The following SIK2 variants were observed in gnomAD, a reference collection of about 807,000 sequenced individuals.
SIK2 encodes salt inducible kinase 2.
SIK2 carries 29 observed loss-of-function variants against 103.2 expected under a neutral mutation model. The observed-to-expected ratio is 0.28, with a 90% CI of 0.21 to 0.38. The LOEUF (loss-of-function observed/expected upper bound fraction) is 0.38. Ranked by LOEUF, SIK2 falls within the 10% of genes least tolerant of loss-of-function variation. The pLI is 1.00. For synonymous variants in SIK2, 412 were observed against 446.1 expected (o/e 0.92, Z 0.96); for missense variants, 879 against 1,171.0 (o/e 0.75, Z 3.64).
intron 8 of SIK2, among the ~76,000 whole-genome samples, chr11:111,708,979 A>G (rs1943424235): frequency 6.6e-6 from 1 of 152,146 alleles, no homozygotes; most frequent in African/African-American, 2.4e-5. Flanking sequence ...GAATGAAACA[A>G]TCACCTCCAA....
Position 111,705,212 on chromosome 11 carries a change from T to C in SIK2, c.1101+73T>C, listed in dbSNP as rs1302520018. 1.4e-6 allele frequency: 2 copies of C among 1,412,836 alleles called. No individual in the cohort carries two copies. The highest frequency in any genetic ancestry group is 1.8e-6 in the Non-Finnish European group (2 of 1,081,312). 87.5% of individuals were successfully genotyped at this position (1,412,836 alleles called of 1,614,324 possible). ...CATGTTTGATACATTTTTCATCTTA[T>C]ACACAGGGTTAGGATTTCATCCTCT... On this transcript the variant is annotated intron_variant, in intron 8 of 14. Coordinates refer to ENST00000304987, the MANE Select transcript of SIK2 (RefSeq NM_015191.3). This position sits in a 1 kb window ranked among gnomAD's most constrained non-coding sequence, Gnocchi z 4.3.
intron 3 of SIK2, among the ~76,000 whole-genome samples, chr11:111,644,096 G>A (rs1012021738): frequency 1.3e-5 from 2 of 151,666 alleles, no homozygotes; most frequent in Non-Finnish European, 2.9e-5. Flanking sequence ...GAACAGCCTG[G>A]CCAACATAGT....
At chr11:111,663,362 C>T (rs1341451461) in intron 3 of SIK2, among the ~76,000 whole-genome samples, 2 of 152,016 alleles carry the variant, frequency 1.3e-5, no homozygotes, top group Non-Finnish European at 2.9e-5. Flanking sequence ...ATGTGGATAT[C>T]TAAACACAGA....
intron 1 of SIK2, among the ~76,000 whole-genome samples, chr11:111,603,041 G>A (rs1488132257): frequency 6.7e-6 from 1 of 150,310 alleles, no homozygotes; most frequent in East Asian, 2.0e-4. Flanking sequence ...CGGAGCCCAA[G>A]TTCCGCGTCT....
At position 111,721,896 on chromosome 11, in the gene SIK2, C is replaced by G. The variant is rs765479422; in HGVS notation, c.2011C>G (p.Pro671Ala). The change falls in exon 13 of 15, where the codon CCA becomes GCA. Residue 671 changes from proline to alanine, a missense_variant. Transcript: ENST00000304987. ...TGCCAGCGTGCATCCCCAGCTGTCC[C>G]CACGGCAGAGCCTGGAGACCCAGTA... Reference protein sequence around the residue: ...LPASVHPQLSPRQSLETQYLQ... With the variant: ...LPASVHPQLSARQSLETQYLQ... 6.2e-7 allele frequency: 1 copy of G among 1,612,006 alleles called. No homozygotes were observed. Among genetic ancestry groups the G allele is most frequent in the Non-Finnish European group, 8.5e-7 (1 of 1,178,900 alleles).
At chr11:111,684,853 A>G (rs1232774784) in intron 3 of SIK2, among the ~76,000 whole-genome samples, 1 of 152,230 alleles carries the variant, frequency 6.6e-6, no homozygotes, top group East Asian at 1.9e-4. Flanking sequence ...GGCAAGAGGA[A>G]GATGTAATGA....
chr11:111,615,319 C>T (rs1784786), intron 1 of SIK2, among the ~76,000 whole-genome samples: 86,256 of 149,404 alleles, frequency 0.58, 28,901 homozygotes, highest in East Asian at 0.96. Context: ...AAAAGTTACC[C>T]TGAAACAATA....
chr11:111,699,019 T>C (rs186340878), intron 4 of SIK2, among the ~76,000 whole-genome samples: 1 of 152,192 alleles, frequency 6.6e-6, no homozygotes, highest in African/African-American at 2.4e-5. Context: ...TCTAGAAAAT[T>C]AGAAATATAT....
chr11:111,643,304 T>C (rs1942208862), intron 3 of SIK2, among the ~76,000 whole-genome samples: 1 of 151,890 alleles, frequency 6.6e-6, no homozygotes, highest in Non-Finnish European at 1.5e-5. Context: ...CCAGGGCCTG[T>C]TGGAAGGTTG....
intron 3 of SIK2, among the ~76,000 whole-genome samples, chr11:111,650,738 G>GA (rs1258428108): frequency 6.6e-6 from 1 of 151,906 alleles, no homozygotes; most frequent in Admixed American, 6.6e-5. Flanking sequence ...TTGAAAATAG[G>GA]AAAAATATAT....
chr11:111,703,569 ATTT>A, intron 7 of SIK2, 146 bp downstream of exon 7: 1 of 669,284 alleles, frequency 1.5e-6, no homozygotes, highest in Non-Finnish European at 2.5e-6. Context: ...ATCAGACTCT[ATTT>A]ATATTTGCTT....
chr11:111,718,685 A>G (rs1591645524), intron 9 of SIK2: 1 of 152,064 alleles, frequency 6.6e-6, no homozygotes. Context: ...GTAAAGGGAA[A>G]CCCCACACCA....
chr11:111,632,957 A>G (rs1416626258), intron 3 of SIK2, among the ~76,000 whole-genome samples: 1 of 152,112 alleles, frequency 6.6e-6, no homozygotes, highest in Non-Finnish European at 1.5e-5. Flanking sequence ...GGAAGTAGGA[A>G]GCGTTTGGGC....
chr11:111,661,434 T>C (rs1942465742), intron 3 of SIK2, among the ~76,000 whole-genome samples: 1 of 152,198 alleles, frequency 6.6e-6, no homozygotes, highest in Non-Finnish European at 1.5e-5. Flanking sequence ...CTTTTGAAAA[T>C]GGTTTTAGAT....
At chr11:111,614,470 T>G (rs917828441) in intron 1 of SIK2, among the ~76,000 whole-genome samples, 2 of 152,234 alleles carry the variant, frequency 1.3e-5, no homozygotes, top group Admixed American at 6.5e-5. Flanking sequence ...ATATTTTGTA[T>G]GTTACATGCA....
At chr11:111,679,435 A>G (rs1942748986) in intron 3 of SIK2, among the ~76,000 whole-genome samples, 1 of 152,246 alleles carries the variant, frequency 6.6e-6, no homozygotes, top group Non-Finnish European at 1.5e-5. Context: ...TTGCCAGAGT[A>G]TACACAAGCA....
At chr11:111,690,600 T>C (rs1276094547) in intron 4 of SIK2, among the ~76,000 whole-genome samples, 1 of 151,722 alleles carries the variant, frequency 6.6e-6, no homozygotes, top group Non-Finnish European at 1.5e-5. Flanking sequence ...CCTAAGGCTC[T>C]CCCTCCCCGC....
At chr11:111,614,347 G>GT (rs915541223) in intron 1 of SIK2, among the ~76,000 whole-genome samples, 4 of 152,042 alleles carry the variant, frequency 2.6e-5, no homozygotes, top group African/African-American at 9.7e-5. Context: ...GCCTTCCAAA[G>GT]TGTTGGGATT....
chr11:111,632,977 C>G (rs1942058414), intron 3 of SIK2, among the ~76,000 whole-genome samples: 1 of 152,220 alleles, frequency 6.6e-6, no homozygotes, highest in East Asian at 1.9e-4. Flanking sequence ...CTCCTGTCTT[C>G]TGTACTTTTG....
Sources: gnomAD v4.1 joint callset for allele counts (sites outside exome capture counted in the v4.1 genomes callset) on GRCh38, gnomAD v4.1.1 for gene constraint, Gnocchi (gnomAD v3.1) non-coding constraint, MANE v1.5 for transcripts, NCBI Gene and HGNC (gene_info 2026-07-23, HGNC 2026-07-21) for gene names.